SULF2: variants seen among roughly 807,000 people sequenced by gnomAD.
SULF2 encodes the protein sulfatase 2, also known as extracellular sulfatase Sulf-2.
Under a neutral mutation model 107.7 loss-of-function variants are expected in SULF2, and 52 were observed. The ratio of observed to expected loss-of-function variants is 0.48; its 90% confidence interval spans 0.39 to 0.61. The LOEUF is 0.61. SULF2 is among the 20% of genes least tolerant of loss of function. The pLI is 0.00. For synonymous variants in SULF2, 460 were observed against 464.3 expected (o/e 0.99, Z 0.12); for missense variants, 993 against 1,177.3 (o/e 0.84, Z 2.29).
At chr20:47,737,455 C>G (rs549661292) in intron 2 of SULF2, among the ~76,000 whole-genome samples, 1 of 151,900 alleles carries the variant, frequency 6.6e-6, no homozygotes, top group East Asian at 1.9e-4. Context: ...TTTGCTCTTA[C>G]TGAAATCTGG....
At chr20:47,756,871 CCT>C (rs1203896448) in intron 2 of SULF2, among the ~76,000 whole-genome samples, 1 of 152,094 alleles carries the variant, frequency 6.6e-6, no homozygotes, top group Non-Finnish European at 1.5e-5. Context: ...GTCTCGAACC[CCT>C]GACTTCAGGT....
chr20:47,779,450 C>T (rs6094841), intron 1 of SULF2, among the ~76,000 whole-genome samples: 19,178 of 152,096 alleles, frequency 0.13, 1,486 homozygotes, highest in African/African-American at 0.21. Flanking sequence ...GATACCACCA[C>T]GGTCCAAGCC....
chr20:47,753,727 C>A (rs144532491), intron 2 of SULF2, among the ~76,000 whole-genome samples: 398 of 152,332 alleles, frequency 2.6e-3, no homozygotes, highest in African/African-American at 9.0e-3. Context: ...TTGCTCCAGG[C>A]CAGAACCATG....
intron 3 of SULF2, among the ~76,000 whole-genome samples, chr20:47,736,249 C>A (rs2089726735): frequency 6.6e-6 from 1 of 152,164 alleles, no homozygotes. Flanking sequence ...ACCTTGGTTA[C>A]TGCCACGTAG....
intron 1 of SULF2, among the ~76,000 whole-genome samples, chr20:47,758,182 T>TC (rs2090338788): frequency 6.8e-6 from 1 of 147,648 alleles, no homozygotes; most frequent in Middle Eastern, 3.3e-3. Context: ...TTTTTTTTTT[T>TC]TCCCAGACAG....
intron 8 of SULF2, among the ~76,000 whole-genome samples, 180 bp from the exon 9 acceptor site, chr20:47,677,314 C>T (rs1261868355): frequency 1.3e-5 from 2 of 152,104 alleles, no homozygotes; most frequent in Non-Finnish European, 2.9e-5. Context: ...CTGAGTTGAG[C>T]CACCCCTTCC....
chr20:47,679,733 G>A (rs2087762112), intron 7 of SULF2, among the ~76,000 whole-genome samples: 1 of 152,172 alleles, frequency 6.6e-6, no homozygotes, highest in Non-Finnish European at 1.5e-5. Flanking sequence ...TGCAGGGCTA[G>A]GCCCAGGCTT....
intron 18 of SULF2, among the ~76,000 whole-genome samples, chr20:47,661,233 C>G (rs147080783): frequency 1.3e-5 from 2 of 152,072 alleles, no homozygotes; most frequent in East Asian, 3.9e-4. Flanking sequence ...CTTCCTGGAG[C>G]GCCAGCCCTC....
At chr20:47,780,203 G>A (rs532379832) in intron 1 of SULF2, among the ~76,000 whole-genome samples, 1 of 152,056 alleles carries the variant, frequency 6.6e-6, no homozygotes, top group South Asian at 2.1e-4. Flanking sequence ...TTTTAGCAGA[G>A]ATGAGGTTTC....
chr20:47,710,946 A>G (rs2088907670), intron 3 of SULF2, among the ~76,000 whole-genome samples: 1 of 152,146 alleles, frequency 6.6e-6, no homozygotes, highest in Admixed American at 6.5e-5. Context: ...CCCAAATCTA[A>G]CTGAAATTGC....
chr20:47,723,125 T>C (rs1024300170), intron 3 of SULF2, among the ~76,000 whole-genome samples: 42 of 152,166 alleles, frequency 2.8e-4, no homozygotes, highest in Admixed American at 1.2e-3. Context: ...GTGCCTGTAG[T>C]TCCAGCTACT....
intron 3 of SULF2, among the ~76,000 whole-genome samples, chr20:47,735,720 G>A (rs1244855995): frequency 1.3e-5 from 2 of 152,214 alleles, no homozygotes; most frequent in East Asian, 3.8e-4. Flanking sequence ...TTCTGGCTAT[G>A]GGATGAGGCT....
intron 3 of SULF2, among the ~76,000 whole-genome samples, chr20:47,710,452 T>C (rs1470901638): frequency 6.6e-6 from 1 of 151,822 alleles, no homozygotes; most frequent in African/African-American, 2.4e-5. Flanking sequence ...GGGGGGTTTG[T>C]AGCCTAGGAG....
intron 3 of SULF2, among the ~76,000 whole-genome samples, chr20:47,706,101 G>A (rs2088728739): frequency 6.6e-6 from 1 of 151,994 alleles, no homozygotes; most frequent in Non-Finnish European, 1.5e-5. Flanking sequence ...ACGTCGCTGA[G>A]AAACCCTATC....
intron 5 of SULF2, among the ~76,000 whole-genome samples, chr20:47,688,117 C>T (rs986044956): frequency 1.9e-4 from 22 of 113,096 alleles, no homozygotes; most frequent in Admixed American, 5.5e-4. Context: ...ACAAGGCCTG[C>T]CCCAGGAAAG....
chr20:47,678,160 T>C lies in SULF2; in HGVS notation c.1193+516A>G, dbSNP rs2087710770. Reference sequence around the variant, plus strand: ...TATGTTCCCATCACACCCTCCAGCATTAAAGTTATGGGGCGTGGTGAGTCA... The same window carrying C: ...TATGTTCCCATCACACCCTCCAGCACTAAAGTTATGGGGCGTGGTGAGTCA... On this transcript the variant is annotated intron_variant, in intron 8 of 20. Coordinates refer to ENST00000688720, the MANE Select transcript of SULF2 (RefSeq NM_001387048.1). The surrounding 1 kb of genome is among the most constrained non-coding windows in gnomAD (Gnocchi z 4.5). 1 of 153,738 alleles carries C rather than the reference T, an allele frequency of 6.5e-6. No homozygotes were observed. The highest frequency in any genetic ancestry group is 6.5e-5 in the Admixed American group (1 of 15,494). The allele number at this position is 153,738 out of a possible 1,614,324, so 9.5% of individuals were successfully genotyped here. A position where few individuals can be genotyped will look rare whatever the true frequency, so the allele number is the denominator to read the frequency against.
intron 1 of SULF2, among the ~76,000 whole-genome samples, chr20:47,779,876 C>T (rs6090734): frequency 0.02 from 3,105 of 151,926 alleles, 118 homozygotes; most frequent in African/African-American, 0.071. Flanking sequence ...CAAAGTGTTG[C>T]GATTACAGGC....
intron 4 of SULF2, among the ~76,000 whole-genome samples, chr20:47,696,417 T>C (rs373280664): frequency 2.0e-5 from 3 of 150,530 alleles, no homozygotes; most frequent in African/African-American, 7.3e-5. Flanking sequence ...CCCACCCCCA[T>C]AACCTTGGCT....
At chr20:47,721,146 GA>G (rs5841705) in intron 3 of SULF2, among the ~76,000 whole-genome samples, 129,190 of 151,154 alleles carry the variant, frequency 0.85, 55,416 homozygotes, top group Middle Eastern at 0.94. Flanking sequence ...TTCTGCTTTT[GA>G]AAAAAAAAAT....
Sources: allele counts gnomAD v4.1 joint callset (sites outside exome capture counted in the v4.1 genomes callset), GRCh38; gene constraint gnomAD v4.1.1; non-coding constraint Gnocchi (gnomAD v3.1); transcripts MANE v1.5; gene names NCBI Gene and HGNC (gene_info 2026-07-23, HGNC 2026-07-21).